LRRTM4: variants seen among roughly 807,000 people sequenced by gnomAD.
The protein encoded by LRRTM4 is leucine rich repeat transmembrane neuronal 4.
A neutral mutation model predicts 47.6 loss-of-function variants in LRRTM4; 25 were observed. The ratio of observed to expected loss-of-function variants is 0.53; its 90% confidence interval spans 0.38 to 0.73. The LOEUF (loss-of-function observed/expected upper bound fraction) is 0.73, where lower values mean the gene tolerates loss of function less well. LRRTM4 is among the 30% of genes least tolerant of loss of function. The pLI is 0.00. For synonymous variants in LRRTM4, 311 were observed against 269.5 expected, an observed-to-expected ratio of 1.15 and a Z score of -1.51; for missense variants, 638 against 713.4, an observed-to-expected ratio of 0.89 and a Z score of 1.20.
intron 3 of LRRTM4, among the ~76,000 whole-genome samples, chr2:77,497,598 C>A (rs1183305228): frequency 6.6e-6 from 1 of 151,244 alleles, no homozygotes; most frequent in Non-Finnish European, 1.5e-5. Context: ...CACACACACA[C>A]CCACTATACT....
At chr2:77,072,422 ATT>A (rs918796542) in intron 3 of LRRTM4, among the ~76,000 whole-genome samples, 105 of 152,262 alleles carry the variant, frequency 6.9e-4, no homozygotes, top group African/African-American at 2.4e-3. Flanking sequence ...ACATAAATAT[ATT>A]TTCTCTCAAA....
intron 3 of LRRTM4, among the ~76,000 whole-genome samples, chr2:77,505,242 A>C (rs996622452): frequency 5.3e-5 from 8 of 151,432 alleles, no homozygotes; most frequent in South Asian, 4.1e-4. Context: ...AAAATCAAAA[A>C]CCAAAGTATA....
At chr2:77,146,715 C>T (rs530999998) in intron 3 of LRRTM4, among the ~76,000 whole-genome samples, 3 of 152,086 alleles carry the variant, frequency 2.0e-5, no homozygotes, top group East Asian at 1.9e-4. Flanking sequence ...TGCTATTTCA[C>T]TCTAATGGAC....
intron 3 of LRRTM4, among the ~76,000 whole-genome samples, chr2:77,058,770 T>C (rs552921630): frequency 5.3e-5 from 8 of 152,256 alleles, no homozygotes; most frequent in Admixed American, 2.6e-4. Context: ...TTGTTTTCTA[T>C]ATTTGGCATA....
rs750261431 is a variant in LRRTM4 at position 76,748,812 on chromosome 2, T to A, written c.1656A>T (p.Thr552=). 11 of 1,613,902 alleles carry A rather than the reference T, an allele frequency of 6.8e-6. No homozygotes were observed. The highest frequency in any genetic ancestry group is 9.3e-6 in the Non-Finnish European group (11 of 1,179,898). Residue 552 remains threonine, a synonymous_variant, in exon 4 of 4, where the codon ACA becomes ACT. Coordinates refer to ENST00000409884, the MANE Select transcript of LRRTM4 (RefSeq NM_001134745.3). The part of the protein sequence containing the change: ...QPLHVTKGYE[T]VSPEQDESPG... ...GGCTTTCGTCCTGCTCTGGAGACAC[T>A]GTCTCATAGCCCTTGGTGACATGGA...
chr2:76,891,967 T>C (rs761790703), intron 3 of LRRTM4, among the ~76,000 whole-genome samples: 2 of 151,516 alleles, frequency 1.3e-5, no homozygotes, highest in Admixed American at 6.6e-5. Context: ...CTCTAATATA[T>C]AACAAACTAA....
chr2:77,517,347 T>G (rs1679249531), intron 3 of LRRTM4: 1 of 983,026 alleles, frequency 1.0e-6, no homozygotes, highest in South Asian at 4.7e-5. Context: ...CTCAAACCTC[T>G]CTCCTTTTAT....
At chr2:77,442,458 C>T (rs1041633643) in intron 3 of LRRTM4, among the ~76,000 whole-genome samples, 3 of 152,124 alleles carry the variant, frequency 2.0e-5, no homozygotes, top group African/African-American at 7.2e-5. Context: ...CAAAACTTAT[C>T]TTCCTTCCCA....
chr2:76,879,565 A>C (rs146543932), intron 3 of LRRTM4, among the ~76,000 whole-genome samples: 2 of 152,344 alleles, frequency 1.3e-5, no homozygotes, highest in African/African-American at 4.8e-5. Context: ...CTAGTCACCC[A>C]TGAGCTCTTA....
intron 3 of LRRTM4, among the ~76,000 whole-genome samples, chr2:76,984,723 T>C (rs939726974): frequency 2.0e-5 from 3 of 151,980 alleles, no homozygotes; most frequent in Admixed American, 2.0e-4. Flanking sequence ...GAATTACCAC[T>C]AAACTGCTAT....
intron 3 of LRRTM4, among the ~76,000 whole-genome samples, chr2:77,149,637 T>C (rs1451477211): frequency 6.6e-6 from 1 of 152,260 alleles, no homozygotes; most frequent in Non-Finnish European, 1.5e-5. Context: ...GATTGGTTTC[T>C]GACATATCAG....
In LRRTM4 at chr2:77,198,872, G is replaced by A. The variant is rs1673900465; in HGVS notation, c.1551+319446C>T. Reference sequence around the variant, plus strand: ...CTACTACATTCTTAGTGCTCATCATGTTGCCTGCATATATTATTTTCTTAT... The same window carrying A: ...CTACTACATTCTTAGTGCTCATCATATTGCCTGCATATATTATTTTCTTAT... On this transcript the variant is annotated intron_variant, in intron 3 of 3. Coordinates refer to ENST00000409884, the MANE Select transcript of LRRTM4 (RefSeq NM_001134745.3). Among the ~76,000 whole-genome samples, 3 of 152,094 alleles carry A rather than the reference G, an allele frequency of 2.0e-5. No homozygotes were observed. The South Asian group carries it at 6.2e-4, about 31-fold the overall frequency.
At chr2:77,207,372 T>TATATATATATATAC (rs59335400) in intron 3 of LRRTM4, among the ~76,000 whole-genome samples, 5 of 131,102 alleles carry the variant, frequency 3.8e-5, no homozygotes, top group African/African-American at 1.6e-4. Context: ...TATATATATA[T>TATATATATATATAC]ACACACACAC....
intron 3 of LRRTM4, among the ~76,000 whole-genome samples, chr2:77,163,916 A>T (rs577226574): frequency 6.6e-6 from 1 of 152,280 alleles, no homozygotes; most frequent in African/African-American, 2.4e-5. Flanking sequence ...GAGCAAAATA[A>T]CCAGCTAACA....
chr2:77,399,955 G>A (rs1012645145), intron 3 of LRRTM4, among the ~76,000 whole-genome samples: 2 of 151,768 alleles, frequency 1.3e-5, no homozygotes, highest in Non-Finnish European at 2.9e-5. Flanking sequence ...TTTGTGTAAG[G>A]CACTTTAAAC....
Position 77,167,529 on chromosome 2 carries a change from A to G in LRRTM4, c.1551+350789T>C, listed in dbSNP as rs1417460984. On this transcript the variant is annotated intron_variant, in intron 3 of 3. Coordinates refer to ENST00000409884, the MANE Select transcript of LRRTM4 (RefSeq NM_001134745.3). Reference sequence around the variant, plus strand: ...TATGTTTATTGAGGCACTGTTCACAATAGCAAAGACTTGGAACCAACCCAA... The same window carrying G: ...TATGTTTATTGAGGCACTGTTCACAGTAGCAAAGACTTGGAACCAACCCAA... Among the ~76,000 whole-genome samples, 3 of 152,220 alleles carry G rather than the reference A, an allele frequency of 2.0e-5. No individual in the cohort carries two copies. The East Asian group carries it at 5.8e-4, about 29-fold the overall frequency.
chr2:77,293,345 C>G (rs143434866), intron 3 of LRRTM4, among the ~76,000 whole-genome samples: 8 of 152,220 alleles, frequency 5.3e-5, no homozygotes, highest in Admixed American at 6.6e-5. Context: ...TTAGACACAG[C>G]ATGTTTCAAG....
chr2:77,159,400 A>T (rs1187203675), intron 3 of LRRTM4, among the ~76,000 whole-genome samples: 1 of 152,076 alleles, frequency 6.6e-6, no homozygotes, highest in Non-Finnish European at 1.5e-5. Context: ...GAGGGATAGC[A>T]TTAGGAGATA....
chr2:77,482,003 G>C (rs1475682158), intron 3 of LRRTM4, among the ~76,000 whole-genome samples: 1 of 151,836 alleles, frequency 6.6e-6, no homozygotes, highest in Non-Finnish European at 1.5e-5. Flanking sequence ...CCTAAAATTA[G>C]TGTACAACTC....
Sources: allele counts gnomAD v4.1 joint callset (sites outside exome capture counted in the v4.1 genomes callset), GRCh38; gene constraint gnomAD v4.1.1; transcripts MANE v1.5; gene names NCBI Gene and HGNC (gene_info 2026-07-23, HGNC 2026-07-21).